Variants in COL5A2 observed in about 807,000 individuals in gnomAD.
COL5A2 encodes the protein collagen alpha-2(V) chain.
In COL5A2, 23 loss-of-function variants were observed where a neutral mutation model predicts 208.2. That is an observed-to-expected ratio of 0.11 (90% CI 0.08 to 0.16). The LOEUF (loss-of-function observed/expected upper bound fraction) is 0.16. Ranked by LOEUF, COL5A2 falls within the 10% of genes least tolerant of loss-of-function variation. COL5A2 has a pLI of 1.00. For synonymous variants in COL5A2, 625 were observed against 628.5 expected (o/e 0.99, Z 0.08); for missense variants, 1,590 against 1,956.4 (o/e 0.81, Z 3.53).
intron 1 of COL5A2, among the ~76,000 whole-genome samples, chr2:189,125,225 G>A (rs1022237909): frequency 1.3e-5 from 2 of 152,144 alleles, no homozygotes; most frequent in East Asian, 1.9e-4. Context: ...TGATGTTGTA[G>A]AGGTTCAACC....
At chr2:189,066,529 G>T in intron 22 of COL5A2, 32 bp from the exon 23 acceptor site, 1 of 1,602,800 alleles carries the variant, frequency 6.2e-7, no homozygotes, top group Non-Finnish European at 8.5e-7. Flanking sequence ...TTACCAGAAA[G>T]ACCCATCCAA....
the COL5A2 span, among the ~76,000 whole-genome samples, chr2:189,424,844 T>A: frequency 6.6e-6 from 1 of 152,256 alleles, no homozygotes; most frequent in Non-Finnish European, 1.5e-5. Context: ...AAGACCTGAT[T>A]AGCCAAAATC....
At position 189,166,330 on chromosome 2, in the gene COL5A2, AT is replaced by A. The variant is rs570782908; in HGVS notation, c.97+13177del. Among the ~76,000 whole-genome samples, 493 of 146,806 alleles carry A rather than the reference AT, an allele frequency of 3.4e-3. 1 individual carries two copies. Among genetic ancestry groups the A allele is most frequent in the African/African-American group, 8.6e-3 (349 of 40,448 alleles). On this transcript the variant is annotated intron_variant, in intron 1 of 53. Transcript: ENST00000374866. ...TTTGAAGAGAAGAAAGACAGGTTGA[AT>A]TTTTTTTTTTTTAAATCACCTAAGA...
the COL5A2 span, among the ~76,000 whole-genome samples, chr2:189,283,068 A>T: frequency 6.6e-6 from 1 of 152,202 alleles, no homozygotes; most frequent in Non-Finnish European, 1.5e-5. Flanking sequence ...TCCTGTGGCA[A>T]CAAAATAGGT....
At chr2:189,287,452 T>C in the COL5A2 span, among the ~76,000 whole-genome samples, 2 of 152,028 alleles carry the variant, frequency 1.3e-5, no homozygotes, top group East Asian at 1.9e-4. Flanking sequence ...AGATGAATGA[T>C]GTATGAGTGA....
the COL5A2 span, among the ~76,000 whole-genome samples, chr2:189,278,681 T>C: frequency 6.6e-6 from 1 of 151,978 alleles, no homozygotes; most frequent in Non-Finnish European, 1.5e-5. Flanking sequence ...TCTTGAAATA[T>C]TTTTATTTCT....
chr2:189,373,986 G>T, the COL5A2 span, among the ~76,000 whole-genome samples: 7 of 152,058 alleles, frequency 4.6e-5, no homozygotes, highest in African/African-American at 1.7e-4. Flanking sequence ...CTGTTGCTGT[G>T]AAAACACACA....
the COL5A2 span, among the ~76,000 whole-genome samples, chr2:189,237,061 G>A: frequency 6.6e-5 from 10 of 151,584 alleles, no homozygotes; most frequent in African/African-American, 1.2e-4. Context: ...CTTGAAGCCC[G>A]ATAATGCCAG....
intron 1 of COL5A2, among the ~76,000 whole-genome samples, chr2:189,141,655 T>C (rs1687937213): frequency 6.6e-6 from 1 of 152,190 alleles, no homozygotes; most frequent in African/African-American, 2.4e-5. Flanking sequence ...ATTTCCCAAC[T>C]TCCCCCGAAT....
the COL5A2 span, among the ~76,000 whole-genome samples, chr2:189,418,222 T>C: frequency 6.6e-6 from 1 of 152,208 alleles, no homozygotes; most frequent in Non-Finnish European, 1.5e-5. Context: ...TAAAAATTTG[T>C]TTTCTCAAAT....
At chr2:189,432,570 A>C in the COL5A2 span, among the ~76,000 whole-genome samples, 1 of 152,226 alleles carries the variant, frequency 6.6e-6, no homozygotes, top group Non-Finnish European at 1.5e-5. Context: ...AACAAATATT[A>C]AAAGAGACAA....
At chr2:189,125,288 G>C (rs72908368) in intron 1 of COL5A2, among the ~76,000 whole-genome samples, 22,727 of 152,160 alleles carry the variant, frequency 0.15, 2,034 homozygotes, top group Non-Finnish European at 0.2. Flanking sequence ...AAACAGTTAA[G>C]TAGATTTAGA....
At position 189,039,312 on chromosome 2, in the gene COL5A2, C is replaced by T. The variant is rs375110673; in HGVS notation, c.3885G>A (p.Thr1295=). The part of the protein sequence containing the change: ...PDGSKKHPAR[T]CDDLKLCHSA... The stretch of plus-strand genomic sequence containing the variant: ...AATGGCAAAGCTTTAGGTCATCACA[C>T]GTGCGGGCTGGGTGCTTTTTCGAGC... The change falls in exon 51 of 54, where the codon ACG becomes ACA. Residue 1295 remains threonine, a synonymous_variant. Coordinates refer to ENST00000374866, the MANE Select transcript of COL5A2 (RefSeq NM_000393.5). 2.9e-5 allele frequency: 47 copies of T among 1,614,130 alleles called. No homozygotes were observed. In the African/African-American group the frequency reaches 5.2e-4, roughly 18 times the overall value.
chr2:189,387,620 A>C, the COL5A2 span, among the ~76,000 whole-genome samples: 1 of 152,202 alleles, frequency 6.6e-6, no homozygotes, highest in African/African-American at 2.4e-5. Context: ...AATTTTATAT[A>C]AACTTTGACT....
the COL5A2 span, chr2:189,311,946 G>A: frequency 3.9e-6 from 3 of 766,986 alleles, no homozygotes; most frequent in Non-Finnish European, 7.0e-6. Flanking sequence ...TCTGTCTCCA[G>A]CTGCAGCCGA....
chr2:189,357,513 T>A, the COL5A2 span, among the ~76,000 whole-genome samples: 1 of 152,110 alleles, frequency 6.6e-6, no homozygotes, highest in African/African-American at 2.4e-5. Flanking sequence ...TTGTTTACAC[T>A]GTGAGGGTAA....
At chr2:189,287,173 TA>T in the COL5A2 span, among the ~76,000 whole-genome samples, 12 of 148,462 alleles carry the variant, frequency 8.1e-5, no homozygotes, top group South Asian at 4.3e-4. Context: ...ATATAAAAAT[TA>T]AAAAAAAAAT....
rs534092553 is a variant in COL5A2 at position 189,131,027 on chromosome 2, CA to C, written c.98-20579del. ...TATGTCTAGTAGCAAGAAGTGTTAC[CA>C]AAAATTCAGCAAGGTAAAGACAAAG... On this transcript the variant is annotated intron_variant, in intron 1 of 53. Transcript: ENST00000374866. Among the ~76,000 whole-genome samples, 14 of 151,944 alleles carry C rather than the reference CA, an allele frequency of 9.2e-5. 2 individuals carry two copies. In the South Asian group the frequency reaches 2.5e-3, roughly 27 times the overall value.
At chr2:189,219,717 G>C (rs1341121449) in intron 1 of COL5A2, among the ~76,000 whole-genome samples, 3 of 152,106 alleles carry the variant, frequency 2.0e-5, no homozygotes, top group African/African-American at 7.2e-5. Flanking sequence ...TAAAGTCTTT[G>C]AGATTTAGAA....
Sources: gnomAD v4.1 joint callset for allele counts (sites outside exome capture counted in the v4.1 genomes callset) on GRCh38, gnomAD v4.1.1 for gene constraint, MANE v1.5 for transcripts, NCBI Gene and HGNC (gene_info 2026-07-23, HGNC 2026-07-21) for gene names.